The following WWOX variants were observed in gnomAD, a reference collection of about 807,000 sequenced individuals.
WWOX encodes WW domain-containing oxidoreductase.
Under a neutral mutation model 46.2 loss-of-function variants are expected in WWOX, and 69 were observed. The observed-to-expected ratio is 1.49, with a 90% CI of 1.23 to 1.82. WWOX has a LOEUF of 1.82. Among genes scored for constraint, WWOX ranks in the 40% most tolerant of loss-of-function variants. WWOX has a pLI of 0.00. For synonymous variants in WWOX, 359 were observed against 202.6 expected, an observed-to-expected ratio of 1.77 and a Z score of -6.56; for missense variants, 919 against 542.6, an observed-to-expected ratio of 1.69 and a Z score of -6.89.
At chr16:78,842,971 C>G (rs531487313) in intron 8 of WWOX, among the ~76,000 whole-genome samples, 2 of 150,336 alleles carry the variant, frequency 1.3e-5, no homozygotes, top group South Asian at 2.2e-4. Flanking sequence ...CACCCACAGG[C>G]ACGCTTCACA....
chr16:78,951,929 C>T (rs533503758), intron 8 of WWOX, among the ~76,000 whole-genome samples: 1 of 152,238 alleles, frequency 6.6e-6, no homozygotes, highest in Admixed American at 6.5e-5. Context: ...TGTTTCCTTC[C>T]ATAATATTTT....
chr16:78,973,861 C>T (rs115708389), intron 8 of WWOX, among the ~76,000 whole-genome samples: 2,092 of 152,312 alleles, frequency 0.014, 38 homozygotes, highest in African/African-American at 0.048. Flanking sequence ...CCTTGGAAAA[C>T]GGAAATTTCT....
intron 8 of WWOX, among the ~76,000 whole-genome samples, chr16:78,789,786 GA>G (rs1444519103): frequency 2.0e-5 from 3 of 152,132 alleles, no homozygotes; most frequent in African/African-American, 7.2e-5. Context: ...CAACTTGCAG[GA>G]AAAGCTCATT....
In WWOX at chr16:79,210,475, A is replaced by C. The variant is rs182425413; in HGVS notation, c.1057-1133A>C. Among the ~76,000 whole-genome samples the C allele has an allele frequency of 5.3e-5, 8 of 152,278 alleles. No individual in the cohort carries two copies. In the East Asian group the frequency reaches 1.2e-3, roughly 22 times the overall value. ...TGATAAGCTTTGGGTCGGGTCGGAAAGCCATTTCCCCCACAATCAAAGTTC... is the reference window on the plus strand; with the variant it reads ...TGATAAGCTTTGGGTCGGGTCGGAACGCCATTTCCCCCACAATCAAAGTTC... On this transcript the variant is annotated intron_variant, in intron 8 of 8. Coordinates refer to ENST00000566780, the MANE Select transcript of WWOX (RefSeq NM_016373.4).
intron 5 of WWOX, among the ~76,000 whole-genome samples, chr16:78,377,508 A>T (rs1439622365): frequency 6.6e-6 from 1 of 152,224 alleles, no homozygotes; most frequent in African/African-American, 2.4e-5. Context: ...AACGTAAATC[A>T]TCACTTACAT....
At chr16:78,473,523 T>A (rs2084281051) in intron 8 of WWOX, among the ~76,000 whole-genome samples, 1 of 151,482 alleles carries the variant, frequency 6.6e-6, no homozygotes, top group Non-Finnish European at 1.5e-5. Context: ...ACTGGCCCTC[T>A]CAGACAAAGT....
chr16:78,819,894 TCTC>T (rs1169296969), intron 8 of WWOX, among the ~76,000 whole-genome samples: 2 of 152,170 alleles, frequency 1.3e-5, no homozygotes, highest in Non-Finnish European at 2.9e-5. Context: ...CGATTCTGAG[TCTC>T]CTCCTTCCTA....
intron 8 of WWOX, among the ~76,000 whole-genome samples, chr16:79,200,921 T>A (rs1416726247): frequency 6.6e-6 from 1 of 152,336 alleles, no homozygotes; most frequent in African/African-American, 2.4e-5. Flanking sequence ...CTTCCTTCTT[T>A]AAACTTGTGA....
intron 5 of WWOX, among the ~76,000 whole-genome samples, chr16:78,281,909 T>C (rs1017559651): frequency 1.3e-5 from 2 of 152,184 alleles, no homozygotes; most frequent in Admixed American, 1.3e-4. Context: ...GATGATCTTT[T>C]ATGGGTTATA....
At chr16:78,627,555 AATCT>A (rs2046338159) in intron 8 of WWOX, among the ~76,000 whole-genome samples, 1 of 152,222 alleles carries the variant, frequency 6.6e-6, no homozygotes, top group African/African-American at 2.4e-5. Flanking sequence ...TTCTGTTGGA[AATCT>A]TTGTAAAATC....
At chr16:78,485,540 C>T (rs922588694) in intron 8 of WWOX, among the ~76,000 whole-genome samples, 1 of 152,120 alleles carries the variant, frequency 6.6e-6, no homozygotes, top group African/African-American at 2.4e-5. Context: ...AACGTTATTC[C>T]ACAACATACT....
rs182771243 is a variant in WWOX at position 78,194,316 on chromosome 16, G to C, written c.516+30027G>C. Among the ~76,000 whole-genome samples, 3 of 151,960 alleles carry C rather than the reference G, an allele frequency of 2.0e-5. No individual in the cohort carries two copies. In the East Asian group the frequency reaches 5.9e-4, roughly 30 times the overall value. On this transcript the variant is annotated intron_variant, in intron 5 of 8. Transcript: ENST00000566780. ...TTAAAAAATAAGATTGGCCGGGCGT[G>C]GTGTCTCACACCTGTAATCTCTGCA... is the stretch of plus-strand genomic sequence containing the variant.
intron 8 of WWOX, among the ~76,000 whole-genome samples, chr16:78,795,371 C>T (rs914786806): frequency 2.6e-5 from 4 of 152,150 alleles, no homozygotes; most frequent in African/African-American, 4.8e-5. Context: ...ATGCTTCTGT[C>T]TTCCTGGCTG....
intron 5 of WWOX, among the ~76,000 whole-genome samples, chr16:78,249,870 A>C (rs2037933827): frequency 6.6e-6 from 1 of 152,058 alleles, no homozygotes; most frequent in Non-Finnish European, 1.5e-5. Context: ...GAAGGGGAGA[A>C]GGGGCACCAG....
At chr16:78,156,439 A>G (rs1262009131) in intron 4 of WWOX, among the ~76,000 whole-genome samples, 1 of 152,238 alleles carries the variant, frequency 6.6e-6, no homozygotes, top group East Asian at 1.9e-4. Context: ...AGGAAGGAAG[A>G]GGGCCATCGT....
chr16:78,563,980 C>T (rs924854136), intron 8 of WWOX, among the ~76,000 whole-genome samples: 1 of 152,170 alleles, frequency 6.6e-6, no homozygotes, highest in African/African-American at 2.4e-5. Flanking sequence ...TGGTGCTTGC[C>T]CACTTGCTGT....
At chr16:79,152,620 G>A (rs1159101665) in intron 8 of WWOX, among the ~76,000 whole-genome samples, 1 of 151,242 alleles carries the variant, frequency 6.6e-6, no homozygotes, top group African/African-American at 2.4e-5. Flanking sequence ...GCAGTGAGCC[G>A]AGATCACGCC....
intron 8 of WWOX, among the ~76,000 whole-genome samples, chr16:78,488,992 C>G (rs77079021): frequency 6.6e-6 from 1 of 152,156 alleles, no homozygotes; most frequent in Non-Finnish European, 1.5e-5. Context: ...CACAGAACTT[C>G]GCAGTCTCTG....
intron 8 of WWOX, among the ~76,000 whole-genome samples, chr16:78,456,848 A>T (rs180699677): frequency 6.6e-6 from 1 of 152,256 alleles, no homozygotes; most frequent in Non-Finnish European, 1.5e-5. Flanking sequence ...GATTTAAAAT[A>T]TGTAATGAAA....
Sources: allele counts gnomAD v4.1 joint callset (sites outside exome capture counted in the v4.1 genomes callset), GRCh38; gene constraint gnomAD v4.1.1; transcripts MANE v1.5; gene names NCBI Gene and HGNC (gene_info 2026-07-23, HGNC 2026-07-21).